The following GDF3 variants were observed in gnomAD, a reference collection of about 807,000 sequenced individuals.
GDF3 encodes growth differentiation factor 3, also known as growth/differentiation factor 3.
GDF3 carries 10 observed loss-of-function variants against 10.2 expected under a neutral mutation model. The observed-to-expected ratio is 0.98, with a 90% CI of 0.60 to 1.66. The LOEUF (loss-of-function observed/expected upper bound fraction) is 1.66. GDF3 is among the 40% of genes most tolerant of loss of function. The pLI is 0.00. For synonymous variants in GDF3, 166 were observed against 178.5 expected, an observed-to-expected ratio of 0.93 and a Z score of 0.56; for missense variants, 450 against 438.3, an observed-to-expected ratio of 1.03 and a Z score of -0.24.
In GDF3 at chr12:7,695,519, TAA is replaced by T; in HGVS notation, c.208_209del (p.Leu70MetfsTer42). On this transcript the variant is annotated frameshift_variant, in exon 1 of 2. Coordinates refer to ENST00000329913, the MANE Select transcript of GDF3 (RefSeq NM_020634.3). LOFTEE classifies it high-confidence loss of function. Reference protein sequence around the residue: ...AAATTGVSRDLCYVKELGVRG... With the variant: ...AAATTGVSRDXCYVKELGVRG... The stretch of plus-strand genomic sequence containing the variant: ...GGACGCCCAGCTCCTTTACGTAGCA[TAA>T]GTCTCGGGAGACCCCAGTGGTCGCT... The T allele has an allele frequency of 1.2e-6, 2 of 1,614,132 alleles. No individual in the cohort carries two copies. The highest frequency in any genetic ancestry group is 1.7e-6 in the Non-Finnish European group (2 of 1,179,996).
At chr12:7,692,637 G>A (rs1245758883) in intron 1 of GDF3, among the ~76,000 whole-genome samples, 1 of 151,798 alleles carries the variant, frequency 6.6e-6, no homozygotes, top group African/African-American at 2.4e-5. Context: ...AGCCTCTGGA[G>A]TAGCTGGGAT....
intron 1 of GDF3, among the ~76,000 whole-genome samples, chr12:7,691,875 A>C (rs7137362): frequency 0.15 from 23,040 of 151,578 alleles, 1,796 homozygotes; most frequent in Middle Eastern, 0.2. Flanking sequence ...GGCAAGGTGG[A>C]GGGTGCCTGT....
chr12:7,695,470 G>C lies in GDF3; in HGVS notation c.259C>G (p.Pro87Ala). Residue 87 changes from proline to alanine, a missense_variant, in exon 1 of 2, where the codon CCA becomes GCA. Physicochemically the swap from Pro to Ala is conservative, Grantham distance 27. Coordinates refer to ENST00000329913, the MANE Select transcript of GDF3 (RefSeq NM_020634.3). ...CACTCTATTTCCTTACCTTGGTCTG[G>C]GAGAAAGCGAAGTACATTCCCGCGG... is the stretch of plus-strand genomic sequence containing the variant. Reference protein sequence around the residue: ...GVRGNVLRFLPDQGFFLYPKK... With the variant: ...GVRGNVLRFLADQGFFLYPKK... The C allele has an allele frequency of 6.2e-7, 1 of 1,613,908 alleles. No homozygotes were observed. The highest frequency in any genetic ancestry group is 8.5e-7 in the Non-Finnish European group (1 of 1,179,866).
Position 7,690,619 on chromosome 12 carries a change from T to G in GDF3, c.354A>C (p.Glu118Asp). Residue 118 changes from glutamate to aspartate, a missense_variant, in exon 2 of 2, where the codon GAA (glutamate) becomes GAC (aspartate). By Grantham distance (45) the Glu-to-Asp change is conservative. Transcript: ENST00000329913. ...LLYFNLSAIK[E>D]REQLTLAQLG... is the part of the protein sequence containing the mutation. ...GCTGGGCCAATGTCAACTGTTCCCT[T>G]TCTTTGATGGCAGACAGGTTAAAGT... 6.2e-7 allele frequency: 1 copy of G among 1,608,818 alleles called. No homozygotes were observed. The highest frequency in any genetic ancestry group is 1.1e-5 in the South Asian group (1 of 90,188).
At chr12:7,695,073 A>G (rs754928144) in intron 1 of GDF3, among the ~76,000 whole-genome samples, 15 of 152,158 alleles carry the variant, frequency 9.9e-5, no homozygotes, top group Non-Finnish European at 2.1e-4. Flanking sequence ...TGCTTGCCAC[A>G]TGGAAGACGG....
At chr12:7,693,481 C>A (rs1214579919) in intron 1 of GDF3, among the ~76,000 whole-genome samples, 1 of 148,738 alleles carries the variant, frequency 6.7e-6, no homozygotes, top group Non-Finnish European at 1.5e-5. Context: ...GCCTCGTGAT[C>A]TGCCTGCCTC....
At chr12:7,690,822 C>A in intron 1 of GDF3, 118 bp from the exon 2 acceptor site, 1 of 685,252 alleles carries the variant, frequency 1.5e-6, no homozygotes, top group Non-Finnish European at 2.6e-6. Flanking sequence ...AGACACAAGC[C>A]CTGTCATTTG....
chr12:7,695,554 C>T lies in GDF3; in HGVS notation c.175G>A (p.Glu59Lys), dbSNP rs1476673248. Reference protein sequence around the residue: ...YILKKIFQDREAAATTGVSRD... With the variant: ...YILKKIFQDRKAAATTGVSRD... The stretch of plus-strand genomic sequence containing the variant: ...GAGACCCCAGTGGTCGCTGCTGCCT[C>T]GCGATCCTGGAAAATTTTCTTCAAG... The change falls in exon 1 of 2, where the codon GAG (glutamate) becomes AAG (lysine). Residue 59 changes from glutamate (E) to lysine (K), a missense_variant. Coordinates refer to ENST00000329913, the MANE Select transcript of GDF3 (RefSeq NM_020634.3). 6 of 1,614,006 alleles carry T rather than the reference C, an allele frequency of 3.7e-6. No homozygotes were observed. The South Asian group carries it at 4.4e-5, about 12-fold the overall frequency.
At position 7,692,963 on chromosome 12, in the gene GDF3, T is replaced by C. The variant is rs767111357; in HGVS notation, c.269-2259A>G. On this transcript the variant is annotated intron_variant, in intron 1 of 1. Coordinates refer to ENST00000329913, the MANE Select transcript of GDF3 (RefSeq NM_020634.3). Reference sequence around the variant, plus strand: ...CTCCTCATATTGAAGTACAATGTGATTCTTCGATTTTTGTCCATGGATGCC... The same window carrying C: ...CTCCTCATATTGAAGTACAATGTGACTCTTCGATTTTTGTCCATGGATGCC... Among the ~76,000 whole-genome samples the C allele has an allele frequency of 1.8e-4, 27 of 152,068 alleles. No individual in the cohort carries two copies. The South Asian group carries it at 5.6e-3, about 32-fold the overall frequency.
intron 1 of GDF3, among the ~76,000 whole-genome samples, chr12:7,690,965 C>T (rs1014035012): frequency 6.6e-6 from 1 of 151,924 alleles, no homozygotes; most frequent in African/African-American, 2.4e-5. Flanking sequence ...TCCTGGCTAA[C>T]ATGGTGAAAC....
At chr12:7,694,920 T>G (rs1306442622) in intron 1 of GDF3, among the ~76,000 whole-genome samples, 1 of 152,168 alleles carries the variant, frequency 6.6e-6, no homozygotes, top group Non-Finnish European at 1.5e-5. Context: ...TGAGATCCTT[T>G]TAAAAGGATA....
Position 7,690,559 on chromosome 12 carries a change from G to T in GDF3, c.414C>A (p.Asn138Lys). ...GAGCCAGTTCCAGCTCTGGTCCCAG[G>T]TTATAGTAAGAATTGGGCCCCAAGT... ...GLDLGPNSYY[N>K]LGPELELALF... Residue 138 changes from asparagine (N) to lysine (K), a missense_variant, in exon 2 of 2, where the codon AAC (asparagine) becomes AAA (lysine). Transcript: ENST00000329913. 1 of 1,606,992 alleles carries T rather than the reference G, an allele frequency of 6.2e-7. No homozygotes were observed. Among genetic ancestry groups the T allele is most frequent in the Non-Finnish European group, 8.5e-7 (1 of 1,176,244 alleles).
intron 1 of GDF3, among the ~76,000 whole-genome samples, chr12:7,691,923 T>C (rs912424235): frequency 2.0e-5 from 3 of 151,226 alleles, no homozygotes; most frequent in East Asian, 2.0e-4. Context: ...AGGAGAATGG[T>C]GTGAACCCGG....
At chr12:7,691,938 C>T (rs377651897) in intron 1 of GDF3, among the ~76,000 whole-genome samples, 3 of 151,442 alleles carry the variant, frequency 2.0e-5, no homozygotes, top group Non-Finnish European at 4.4e-5. Flanking sequence ...ACCCGGGAGG[C>T]GGAGCTTGCA....
chr12:7,691,075 G>A (rs1043657049), intron 1 of GDF3, among the ~76,000 whole-genome samples: 3 of 151,558 alleles, frequency 2.0e-5, no homozygotes, highest in Non-Finnish European at 4.4e-5. Context: ...GCGTGAACCC[G>A]GGAGGCGGAG....
At chr12:7,692,377 C>G (rs1264803187) in intron 1 of GDF3, among the ~76,000 whole-genome samples, 4 of 151,318 alleles carry the variant, frequency 2.6e-5, no homozygotes. Context: ...TTGTGGTGAG[C>G]CGATATCACA....
At chr12:7,694,569 CAAA>C (rs57221382) in intron 1 of GDF3, among the ~76,000 whole-genome samples, 19 of 80,138 alleles carry the variant, frequency 2.4e-4, no homozygotes, top group African/African-American at 7.2e-4. Context: ...GCGAGACTCT[CAAA>C]AAAAAAAAAA....
chr12:7,695,650 A>G lies in GDF3; in HGVS notation c.79T>C (p.Tyr27His), dbSNP rs372677651. The G allele has an allele frequency of 4.3e-6, 7 of 1,614,040 alleles. No homozygotes were observed. The African/African-American group carries it at 8.0e-5, about 18-fold the overall frequency. Residue 27 changes from tyrosine (Y) to histidine (H), a missense_variant, in exon 1 of 2, where the codon TAT (tyrosine) becomes CAT (histidine). Physicochemically the swap from Tyr to His is moderately conservative, Grantham distance 83. Transcript: ENST00000329913. ...AAGCCCAGAAATTGGAGAAAGACAT[A>G]TTCTTGAAATTGGACTGCCTGGCCC... ...ALGQAVQFQE[Y>H]VFLQFLGLDK...
In GDF3 at chr12:7,691,825, G is replaced by A. The variant is rs1422870169; in HGVS notation, c.269-1121C>T. Among the ~76,000 whole-genome samples the A allele has an allele frequency of 5.3e-5, 8 of 150,052 alleles. No individual in the cohort carries two copies. The East Asian group carries it at 1.4e-3, about 27-fold the overall frequency. On this transcript the variant is annotated intron_variant, in intron 1 of 1. Coordinates refer to ENST00000329913, the MANE Select transcript of GDF3 (RefSeq NM_020634.3). ...GATCGAGACCATCCTGGCTAACACG[G>A]TAAAACCCCATCTCTACTAAAAATA...
Sources: allele counts gnomAD v4.1 joint callset (sites outside exome capture counted in the v4.1 genomes callset), GRCh38; gene constraint gnomAD v4.1.1; transcripts MANE v1.5; gene names NCBI Gene and HGNC (gene_info 2026-07-23, HGNC 2026-07-21).